ZNF385D: variants seen among roughly 807,000 people sequenced by gnomAD.
The protein encoded by ZNF385D is zinc finger protein 659.
Under a neutral mutation model 35.8 loss-of-function variants are expected in ZNF385D, and 15 were observed. The ratio of observed to expected loss-of-function variants is 0.42; its 90% CI spans 0.28 to 0.64. The LOEUF (loss-of-function observed/expected upper bound fraction) is 0.64. Among genes scored for constraint, ZNF385D ranks in the 30% least tolerant of loss-of-function variants. ZNF385D has a pLI of 0.23. For missense variants in ZNF385D, 474 were observed against 494.6 expected, an observed-to-expected ratio of 0.96 and a Z score of 0.39; for synonymous variants, 212 against 186.8, an observed-to-expected ratio of 1.13 and a Z score of -1.10.
At chr3:22,032,657 C>T (rs1248936911) in intron 3 of ZNF385D, among the ~76,000 whole-genome samples, 1 of 152,134 alleles carries the variant, frequency 6.6e-6, no homozygotes, top group Non-Finnish European at 1.5e-5. Flanking sequence ...AATTAAACTA[C>T]ACACTGACAA....
At chr3:21,924,780 A>G (rs1008021180) in intron 3 of ZNF385D, among the ~76,000 whole-genome samples, 1 of 152,108 alleles carries the variant, frequency 6.6e-6, no homozygotes, top group African/African-American at 2.4e-5. Flanking sequence ...AGGCATAGTA[A>G]GGAGCCAGAA....
intron 3 of ZNF385D, among the ~76,000 whole-genome samples, chr3:21,944,431 T>C (rs1047766356): frequency 6.6e-6 from 1 of 152,134 alleles, no homozygotes; most frequent in Admixed American, 6.5e-5. Context: ...CGAGCACCAA[T>C]ATATTAGAAA....
intron 3 of ZNF385D, among the ~76,000 whole-genome samples, chr3:21,808,411 G>C (rs1249499547): frequency 6.6e-6 from 1 of 152,176 alleles, no homozygotes; most frequent in Non-Finnish European, 1.5e-5. Context: ...TGGCCCCAGA[G>C]ACTATGAAAA....
At chr3:21,718,079 T>G (rs1256142689) in intron 1 of ZNF385D, among the ~76,000 whole-genome samples, 1 of 152,164 alleles carries the variant, frequency 6.6e-6, no homozygotes, top group Non-Finnish European at 1.5e-5. Context: ...GTTGCTGGTG[T>G]TGGGACTGCA....
Position 22,042,909 on chromosome 3 carries a change from C to T in ZNF385D, c.325+125908G>A, listed in dbSNP as rs200737214. ...ACACAGGAAGTGTGAACTTTGCCATCACCAAATCAAGGGACTAACCTAAAA... is the reference window on the plus strand; with the variant it reads ...ACACAGGAAGTGTGAACTTTGCCATTACCAAATCAAGGGACTAACCTAAAA... On this transcript the variant is annotated intron_variant, in intron 3 of 5. Transcript: ENST00000494108. Among the ~76,000 whole-genome samples, 7 of 152,270 alleles carry T rather than the reference C, an allele frequency of 4.6e-5. No individual in the cohort carries two copies. The East Asian group carries it at 1.2e-3, about 25-fold the overall frequency.
At chr3:21,839,197 C>G (rs1457521106) in intron 3 of ZNF385D, among the ~76,000 whole-genome samples, 1 of 152,050 alleles carries the variant, frequency 6.6e-6, no homozygotes, top group East Asian at 1.9e-4. Flanking sequence ...GAAAACTAGT[C>G]ACTTCCATTT....
intron 2 of ZNF385D, among the ~76,000 whole-genome samples, chr3:22,288,961 CAA>C (rs1309754639): frequency 6.6e-6 from 1 of 152,072 alleles, no homozygotes; most frequent in Non-Finnish European, 1.5e-5. Flanking sequence ...CATCTGGAGA[CAA>C]GAGTATGCCA....
At chr3:22,334,908 ATATTT>A (rs1559526504) in intron 2 of ZNF385D, among the ~76,000 whole-genome samples, 1 of 152,096 alleles carries the variant, frequency 6.6e-6, no homozygotes, top group African/African-American at 2.4e-5. Context: ...GATTTCTCAT[ATATTT>A]TATTTTCTTC....
intron 3 of ZNF385D, among the ~76,000 whole-genome samples, chr3:22,114,790 G>A (rs1040388382): frequency 6.6e-6 from 1 of 152,056 alleles, no homozygotes; most frequent in African/African-American, 2.4e-5. Flanking sequence ...CTCCAATTCA[G>A]TAATATTAAG....
intron 3 of ZNF385D, among the ~76,000 whole-genome samples, chr3:21,987,622 T>C (rs1170787946): frequency 1.4e-5 from 2 of 138,010 alleles, no homozygotes; most frequent in African/African-American, 2.9e-5. Context: ...CATTTCAACT[T>C]TGGTGAATCT....
At chr3:21,643,593 T>C (rs1164059200) in intron 2 of ZNF385D, among the ~76,000 whole-genome samples, 1 of 151,784 alleles carries the variant, frequency 6.6e-6, no homozygotes, top group African/African-American at 2.4e-5. Flanking sequence ...TGACAGGGAG[T>C]TCAGTAAAAT....
chr3:21,846,872 T>A (rs1327951706), intron 3 of ZNF385D, among the ~76,000 whole-genome samples: 1 of 152,000 alleles, frequency 6.6e-6, no homozygotes, highest in East Asian at 1.9e-4. Flanking sequence ...AAATATAGTA[T>A]CTGTCCTTGA....
In ZNF385D at chr3:21,636,947, G is replaced by GT. The variant is rs1299500087; in HGVS notation, c.165+27938dup. Among the ~76,000 whole-genome samples, 768 of 151,424 alleles carry GT rather than the reference G, an allele frequency of 5.1e-3. 2 individuals carry two copies. The highest frequency in any genetic ancestry group is 0.018 in the African/African-American group (733 of 41,234). On this transcript the variant is annotated intron_variant, in intron 2 of 7. Transcript: ENST00000281523. ...CCTTAGCCCACTTTTTGGTGGAATT[G>GT]TTTTTTTTGTTGTTGTTGTTAATTT...
At chr3:21,837,231 C>T (rs1213285266) in intron 3 of ZNF385D, among the ~76,000 whole-genome samples, 1 of 152,078 alleles carries the variant, frequency 6.6e-6, no homozygotes, top group East Asian at 1.9e-4. Context: ...AAGCCTTTGA[C>T]TTCTTTCAGT....
intron 3 of ZNF385D, chr3:21,849,714 T>C (rs1696262777): frequency 6.6e-6 from 1 of 151,064 alleles, no homozygotes; most frequent in Admixed American, 6.6e-5. Flanking sequence ...TTTTTTCTTC[T>C]ATGACCTAAA....
intron 2 of ZNF385D, among the ~76,000 whole-genome samples, chr3:22,171,876 CAAA>C (rs370469654): frequency 5.0e-5 from 5 of 100,774 alleles, no homozygotes; most frequent in Non-Finnish European, 8.1e-5. Context: ...GACTCGGTCT[CAAA>C]AAAAAAAAAA....
At position 21,928,090 on chromosome 3, in the gene ZNF385D, G is replaced by A. The variant is rs573904034; in HGVS notation, c.325+240727C>T. 3.0e-4 allele frequency among the ~76,000 whole-genome samples: 46 copies of A among 152,086 alleles called. No individual in the cohort carries two copies. In the South Asian group the frequency reaches 8.9e-3, roughly 30 times the overall value. ...AATAAAAAAGTTAGCCGGCTGTGGTGGTGTGTGCCTGTACTCCCAGCTAGT... is the reference window on the plus strand; with the variant it reads ...AATAAAAAAGTTAGCCGGCTGTGGTAGTGTGTGCCTGTACTCCCAGCTAGT... On this transcript the variant is annotated intron_variant, in intron 3 of 5. Transcript: ENST00000494108.
chr3:21,770,386 T>A (rs759600569), intron 3 of ZNF385D, among the ~76,000 whole-genome samples: 1 of 151,800 alleles, frequency 6.6e-6, no homozygotes, highest in Non-Finnish European at 1.5e-5. Flanking sequence ...TCAAACAAAT[T>A]TACAAGAAAA....
chr3:21,919,548 G>T (rs1246793269), intron 3 of ZNF385D, among the ~76,000 whole-genome samples: 3 of 152,142 alleles, frequency 2.0e-5, no homozygotes, highest in Non-Finnish European at 2.9e-5. Flanking sequence ...GAGAAGTTTG[G>T]GAACAGTTTC....
Sources: gnomAD v4.1 joint callset for allele counts (sites outside exome capture counted in the v4.1 genomes callset) on GRCh38, gnomAD v4.1.1 for gene constraint, MANE v1.5 for transcripts, NCBI Gene and HGNC (gene_info 2026-07-23, HGNC 2026-07-21) for gene names.